The following NEK1 variants were observed in gnomAD, a reference collection of about 807,000 sequenced individuals.
The protein encoded by NEK1 is NIMA related kinase 1, also known as serine/threonine-protein kinase Nek1.
In NEK1, 137 loss-of-function variants were observed where a neutral mutation model predicts 182.1. The observed-to-expected ratio is 0.75, with a 90% confidence interval of 0.65 to 0.87. NEK1 has a LOEUF of 0.87. Ranked by LOEUF, NEK1 falls within the 40% of genes least tolerant of loss-of-function variation. NEK1 has a pLI of 0.00. For synonymous variants in NEK1, 513 were observed against 492.2 expected (o/e 1.04, Z -0.56); for missense variants, 1,391 against 1,494.4 (o/e 0.93, Z 1.14).
intron 23 of NEK1, among the ~76,000 whole-genome samples, chr4:169,488,612 A>G (rs1478597787): frequency 1.3e-5 from 2 of 152,162 alleles, no homozygotes; most frequent in Non-Finnish European, 2.9e-5. Context: ...AAAATATTAT[A>G]CTTTTGAGAA....
intron 2 of NEK1, among the ~76,000 whole-genome samples, chr4:169,605,631 C>T (rs1355013353): frequency 1.3e-5 from 2 of 152,166 alleles, no homozygotes; most frequent in South Asian, 4.1e-4. Flanking sequence ...TAGGCTTCCA[C>T]ATACAAAATC....
intron 12 of NEK1, among the ~76,000 whole-genome samples, chr4:169,566,155 G>A (rs1332411112): frequency 6.6e-6 from 1 of 151,854 alleles, no homozygotes; most frequent in African/African-American, 2.4e-5. Context: ...CATTAATACA[G>A]CAACTTAATA....
intron 12 of NEK1, among the ~76,000 whole-genome samples, chr4:169,571,491 G>A (rs1055088755): frequency 4.6e-5 from 7 of 152,156 alleles, no homozygotes; most frequent in African/African-American, 7.2e-5. Context: ...GTAGAGGGAT[G>A]GTTATTACTT....
intron 18 of NEK1, among the ~76,000 whole-genome samples, chr4:169,546,954 C>T (rs982034255): frequency 4.6e-5 from 7 of 152,118 alleles, no homozygotes; most frequent in Non-Finnish European, 8.8e-5. Context: ...TCTGTTAATG[C>T]AGCATTTAGC....
chr4:169,539,749 T>G (rs953524776), intron 18 of NEK1, among the ~76,000 whole-genome samples: 1 of 152,104 alleles, frequency 6.6e-6, no homozygotes, highest in South Asian at 2.1e-4. Flanking sequence ...TAAGGCACTT[T>G]TGGGGGGTCC....
At chr4:169,400,085 A>C in intron 35 of NEK1, 140 bp downstream of exon 35, 1 of 856,918 alleles carries the variant, frequency 1.2e-6, no homozygotes, top group Non-Finnish European at 1.9e-6. Context: ...GACAAAGTTA[A>C]TTTTATTATT....
chr4:169,611,486 C>T lies in NEK1; in HGVS notation c.-49+534G>A, dbSNP rs528470463. On this transcript the variant is annotated intron_variant, in intron 2 of 35. Coordinates refer to ENST00000507142, the MANE Select transcript of NEK1 (RefSeq NM_001199397.3). ...ACTTAGATTGGATGCCACTTTTAAT[C>T]CTTCATAAACATTTCTAATGAAACA... 2.0e-5 allele frequency among the ~76,000 whole-genome samples: 3 copies of T among 152,246 alleles called. No individual in the cohort carries two copies. The East Asian group carries it at 5.8e-4, about 29-fold the overall frequency.
intron 23 of NEK1, among the ~76,000 whole-genome samples, chr4:169,504,806 G>A (rs1422368436): frequency 6.6e-5 from 10 of 152,136 alleles, no homozygotes; most frequent in Non-Finnish European, 7.4e-5. Context: ...TTCAGTATTT[G>A]ATAGCACAAC....
chr4:169,404,922 A>C (rs1732324883), intron 32 of NEK1, among the ~76,000 whole-genome samples: 1 of 152,156 alleles, frequency 6.6e-6, no homozygotes. Flanking sequence ...AAAGAAAGCA[A>C]TTTTGTGAAA....
chr4:169,591,362 G>A (rs1406592385), intron 5 of NEK1, among the ~76,000 whole-genome samples: 1 of 151,878 alleles, frequency 6.6e-6, no homozygotes, highest in Non-Finnish European at 1.5e-5. Context: ...ATGTTGCCCA[G>A]GCTAGTGGTC....
At chr4:169,546,608 CTA>C (rs1760505385) in intron 18 of NEK1, among the ~76,000 whole-genome samples, 1 of 152,106 alleles carries the variant, frequency 6.6e-6, no homozygotes, top group South Asian at 2.1e-4. Context: ...GTGTGGGAGT[CTA>C]TGTCTCTTTT....
At chr4:169,594,416 G>A (rs1030119431) in intron 5 of NEK1, among the ~76,000 whole-genome samples, 17 of 152,084 alleles carry the variant, frequency 1.1e-4, no homozygotes, top group African/African-American at 3.6e-4. Context: ...CTATTAGAAT[G>A]GTAAACTGAT....
intron 2 of NEK1, among the ~76,000 whole-genome samples, chr4:169,604,121 T>G (rs894256450): frequency 6.6e-6 from 1 of 152,250 alleles, no homozygotes; most frequent in East Asian, 1.9e-4. Context: ...TCCTTATCTG[T>G]CATAAATTAT....
intron 28 of NEK1, among the ~76,000 whole-genome samples, chr4:169,435,744 A>G (rs562980006): frequency 5.5e-4 from 83 of 152,286 alleles, no homozygotes; most frequent in African/African-American, 1.9e-3. Context: ...AGGGACCCGA[A>G]TAAGCCCTGC....
chr4:169,447,317 A>T (rs1226470807), intron 27 of NEK1, among the ~76,000 whole-genome samples: 1 of 152,220 alleles, frequency 6.6e-6, no homozygotes, highest in Non-Finnish European at 1.5e-5. Flanking sequence ...CAGAGAAAAT[A>T]TCCTTCAAAC....
chr4:169,476,123 A>C (rs1309315810), intron 26 of NEK1, among the ~76,000 whole-genome samples: 1 of 152,166 alleles, frequency 6.6e-6, no homozygotes, highest in Non-Finnish European at 1.5e-5. Flanking sequence ...AGAAAACTAT[A>C]CCAAGGCACT....
intron 10 of NEK1, among the ~76,000 whole-genome samples, chr4:169,583,755 T>G (rs1037562006): frequency 1.3e-5 from 2 of 152,226 alleles, no homozygotes; most frequent in Admixed American, 1.3e-4. Context: ...CAAACGTTAT[T>G]TATAACAAAG....
chr4:169,606,202 T>C (rs889999966), intron 2 of NEK1, among the ~76,000 whole-genome samples: 5 of 150,952 alleles, frequency 3.3e-5, no homozygotes, highest in African/African-American at 1.2e-4. Flanking sequence ...CTAATTTCTT[T>C]AGCCTAATTA....
At chr4:169,610,725 T>C (rs142040672) in intron 2 of NEK1, among the ~76,000 whole-genome samples, 15 of 152,340 alleles carry the variant, frequency 9.8e-5, no homozygotes, top group African/African-American at 3.6e-4. Context: ...CTTCGATCAA[T>C]CTGGAACACA....
Sources: allele counts gnomAD v4.1 joint callset (sites outside exome capture counted in the v4.1 genomes callset), GRCh38; gene constraint gnomAD v4.1.1; transcripts MANE v1.5; gene names NCBI Gene and HGNC (gene_info 2026-07-23, HGNC 2026-07-21).